GMEB2: variants seen among roughly 807,000 people sequenced by gnomAD.
GMEB2 encodes the protein glucocorticoid modulatory element binding protein 2.
Under a neutral mutation model 45.7 loss-of-function variants are expected in GMEB2, and 7 were observed. The ratio of observed to expected loss-of-function variants is 0.15; its 90% confidence interval spans 0.09 to 0.29. GMEB2 has a LOEUF of 0.29. Among genes scored for constraint, GMEB2 ranks in the 10% least tolerant of loss-of-function variants. The pLI, the probability that GMEB2 is intolerant of heterozygous loss-of-function variation, is 1.00. For synonymous variants in GMEB2, 322 were observed against 323.6 expected, an observed-to-expected ratio of 1.00 and a Z score of 0.05; for missense variants, 582 against 739.2, an observed-to-expected ratio of 0.79 and a Z score of 2.47.
intron 2 of GMEB2, among the ~76,000 whole-genome samples, chr20:63,605,687 G>A (rs2089513323): frequency 1.3e-5 from 2 of 152,020 alleles, no homozygotes; most frequent in Admixed American, 6.6e-5. Context: ...GGGTGCAGTG[G>A]CTCACGCCTG....
intron 1 of GMEB2, among the ~76,000 whole-genome samples, chr20:63,623,149 G>A (rs1389763351): frequency 6.6e-6 from 1 of 152,118 alleles, no homozygotes; most frequent in African/African-American, 2.4e-5. Context: ...GTGATGGAAG[G>A]AAAATGTATT....
intron 3 of GMEB2, among the ~76,000 whole-genome samples, chr20:63,604,200 G>GAAAA (rs35469694): frequency 8.4e-5 from 10 of 118,950 alleles, no homozygotes; most frequent in South Asian, 2.9e-4. Flanking sequence ...CCTATTTCTT[G>GAAAA]AAAAAAAAAA....
intron 2 of GMEB2, among the ~76,000 whole-genome samples, chr20:63,605,066 C>A (rs569607310): frequency 1.2e-3 from 188 of 151,766 alleles, no homozygotes; most frequent in African/African-American, 4.2e-3. Context: ...GCCTGGCCAA[C>A]ACGGTGAAAC....
At chr20:63,602,827 G>A in intron 4 of GMEB2, 138 bp downstream of exon 4, 1 of 730,446 alleles carries the variant, frequency 1.4e-6, no homozygotes, top group South Asian at 1.8e-5. Flanking sequence ...TCTTCCTGAA[G>A]GTTCTTCCCG....
Position 63,619,276 on chromosome 20 carries a change from G to A in GMEB2, c.122C>T (p.Ala41Val). 6.2e-7 allele frequency: 1 copy of A among 1,610,100 alleles called. No homozygotes were observed. Residue 41 changes from alanine (A) to valine (V), a missense_variant, in exon 2 of 10, where the codon GCC becomes GTC. Coordinates refer to ENST00000370077, the MANE Select transcript of GMEB2 (RefSeq NM_012384.5). This position sits in a 1 kb window ranked among gnomAD's most constrained non-coding sequence, Gnocchi z 4.6. ...CGAGGCCCGAGCTTACCCGTGAGGG[G>A]CCAAGTTGGTCGTCACCAACACGGT... ...VKTVLVTTNL[A>V]PHGGDLTEDN...
intron 2 of GMEB2, among the ~76,000 whole-genome samples, chr20:63,609,002 CCA>C (rs777054797): frequency 0.014 from 434 of 31,234 alleles, 99 homozygotes; most frequent in Non-Finnish European, 0.037. Context: ...CCCCTCTGAC[CCA>C]CACCTCCATT....
At chr20:63,617,241 GC>G (rs2089615072) in intron 2 of GMEB2, among the ~76,000 whole-genome samples, 1 of 152,114 alleles carries the variant, frequency 6.6e-6, no homozygotes, top group Non-Finnish European at 1.5e-5. Flanking sequence ...CTCCTGCAGT[GC>G]TGGAATTACA....
chr20:63,622,886 C>T (rs1435005911), intron 1 of GMEB2, among the ~76,000 whole-genome samples: 1 of 152,112 alleles, frequency 6.6e-6, no homozygotes, highest in East Asian at 1.9e-4. Context: ...CAGCAAAGAC[C>T]CCGCACGCGT....
intron 2 of GMEB2, among the ~76,000 whole-genome samples, chr20:63,614,288 A>C (rs2089592005): frequency 6.6e-6 from 1 of 152,186 alleles, no homozygotes; most frequent in Non-Finnish European, 1.5e-5. Context: ...GGAAATCATA[A>C]CCTAGGAAAA....
At chr20:63,600,964 G>C (rs1345966320) in intron 4 of GMEB2, among the ~76,000 whole-genome samples, 3 of 152,064 alleles carry the variant, frequency 2.0e-5, no homozygotes, top group Non-Finnish European at 4.4e-5. Context: ...ATGGATCGCT[G>C]GGTTAAGGAG....
intron 2 of GMEB2, among the ~76,000 whole-genome samples, chr20:63,617,572 G>A (rs1002317403): frequency 8.5e-6 from 1 of 118,248 alleles, no homozygotes; most frequent in African/African-American, 2.9e-5. Context: ...GTCCCAACCC[G>A]GTGCTGGACC....
intron 5 of GMEB2, among the ~76,000 whole-genome samples, chr20:63,597,547 T>C (rs888743036): frequency 6.6e-6 from 1 of 152,078 alleles, no homozygotes; most frequent in Non-Finnish European, 1.5e-5. Flanking sequence ...ACAAAACAAT[T>C]CTAAAAATCT....
At chr20:63,626,770 C>G (rs1479044715) in intron 1 of GMEB2, among the ~76,000 whole-genome samples, 186 bp downstream of exon 1, 1 of 146,852 alleles carries the variant, frequency 6.8e-6, no homozygotes, top group Non-Finnish European at 1.5e-5. Flanking sequence ...CCACCGCCCG[C>G]GCCGCCCGCC....
intron 2 of GMEB2, among the ~76,000 whole-genome samples, chr20:63,614,333 T>G (rs13044479): frequency 6.6e-6 from 1 of 151,964 alleles, no homozygotes; most frequent in African/African-American, 2.4e-5. Flanking sequence ...TGAGGGGACA[T>G]AGTGAGAACT....
chr20:63,624,048 T>C (rs961028991), intron 1 of GMEB2, among the ~76,000 whole-genome samples: 5 of 151,090 alleles, frequency 3.3e-5, no homozygotes, highest in Non-Finnish European at 5.9e-5. Flanking sequence ...AGGCAGAGGC[T>C]GCAGTGTGCC....
intron 2 of GMEB2, among the ~76,000 whole-genome samples, chr20:63,613,919 T>C (rs2089588657): frequency 6.6e-6 from 1 of 152,146 alleles, no homozygotes; most frequent in Admixed American, 6.6e-5. Context: ...AGACTTCTCT[T>C]GGGTGTGAGA....
intron 4 of GMEB2, among the ~76,000 whole-genome samples, 178 bp from the exon 5 acceptor site, chr20:63,598,038 C>T (rs78313174): frequency 2.2e-3 from 329 of 152,278 alleles, no homozygotes; most frequent in Non-Finnish European, 3.9e-3. Flanking sequence ...CCCACAGGCA[C>T]GGTGGCTGCA....
chr20:63,590,521 G>C lies in GMEB2; in HGVS notation c.1161C>G (p.Gly387=). 1 of 1,515,194 alleles carries C rather than the reference G, an allele frequency of 6.6e-7. No homozygotes were observed. The highest frequency in any genetic ancestry group is 8.9e-7 in the Non-Finnish European group (1 of 1,127,964). 93.9% of individuals were successfully genotyped at this position (1,515,194 alleles called of 1,614,324 possible). A position where few individuals can be genotyped will look rare whatever the true frequency, so the allele number is the denominator to read the frequency against. Residue 387 remains glycine, a synonymous_variant, in exon 10 of 10, where the codon GGC becomes GGG. Coordinates refer to ENST00000370077, the MANE Select transcript of GMEB2 (RefSeq NM_012384.5). Reference sequence around the variant, plus strand: ...CGCTGGTCAGCTGGGGGACGGGCACGCCCGGGCCAAGCGCCAGCTGGGCAG... The same window carrying C: ...CGCTGGTCAGCTGGGGGACGGGCACCCCCGGGCCAAGCGCCAGCTGGGCAG... ...TQSAQLALGP[G]VPVPQLTSVP...
At position 63,590,306 on chromosome 20, in the gene GMEB2, G is replaced by C; in HGVS notation, c.1376C>G (p.Thr459Arg). The change falls in exon 10 of 10, where the codon ACG (threonine) becomes AGG (arginine). Residue 459 changes from threonine (T) to arginine (R), a missense_variant. Physicochemically the swap from Thr to Arg is moderately conservative, Grantham distance 71 (BLOSUM62 -1). Coordinates refer to ENST00000370077, the MANE Select transcript of GMEB2 (RefSeq NM_012384.5). ...PDASSLTVLS[T>R]AAVQDGSTVF... ...CGTGCTACCGTCCTGCACGGCGGCC[G>C]TGCTCAGGACCGTGAGGCTGGACGC... 6.2e-7 allele frequency: 1 copy of C among 1,612,620 alleles called. No homozygotes were observed. Among genetic ancestry groups the C allele is most frequent in the South Asian group, 1.1e-5 (1 of 91,070 alleles).
Sources: gnomAD v4.1 joint callset for allele counts (sites outside exome capture counted in the v4.1 genomes callset) on GRCh38, gnomAD v4.1.1 for gene constraint, Gnocchi (gnomAD v3.1) non-coding constraint, MANE v1.5 for transcripts, NCBI Gene and HGNC (gene_info 2026-07-23, HGNC 2026-07-21) for gene names.